Variants in MAU2 observed in about 807,000 individuals in gnomAD.
MAU2 encodes MAU2 sister chromatid cohesion factor.
In MAU2, 9 loss-of-function variants were observed where a neutral mutation model predicts 89.1. The observed-to-expected ratio is 0.10, with a 90% CI of 0.06 to 0.18. The LOEUF is 0.18. MAU2 is among the 10% of genes least tolerant of loss of function. The pLI is 1.00. For missense variants in MAU2, 425 were observed against 803.5 expected (o/e 0.53, Z 5.69); for synonymous variants, 357 against 343.4 (o/e 1.04, Z -0.44).
chr19:19,334,376 GC>G (rs1249578899), intron 1 of MAU2: 2 of 985,714 alleles, frequency 2.0e-6, no homozygotes, highest in Non-Finnish European at 2.4e-6. Context: ...CTCTCCCACA[GC>G]TGTCCTCCTG....
chr19:19,355,908 A>G lies in MAU2; in HGVS notation c.*126A>G, dbSNP rs769850089. ...GTCTCTAGAGCTTCCAAGTCCTGGG[A>G]ATGTGCGGGGCCAGTCCCTGCCCTC... is the stretch of plus-strand genomic sequence containing the variant. On this transcript the variant is annotated 3_prime_UTR_variant, in exon 19 of 19. Transcript: ENST00000262815. The G allele has an allele frequency of 1.1e-6, 1 of 945,440 alleles. No individual in the cohort carries two copies. The highest frequency in any genetic ancestry group is 1.7e-6 in the Non-Finnish European group (1 of 596,484). 58.6% of individuals were successfully genotyped at this position (945,440 alleles called of 1,614,324 possible). A position where few individuals can be genotyped will look rare whatever the true frequency, so the allele number is the denominator to read the frequency against.
At chr19:19,321,331 C>T (rs1431520691) in intron 1 of MAU2, among the ~76,000 whole-genome samples, 196 bp downstream of exon 1, 5 of 152,160 alleles carry the variant, frequency 3.3e-5, no homozygotes, top group Admixed American at 2.0e-4. Flanking sequence ...AAAGCCTCGC[C>T]CCCCACGCCT....
intron 16 of MAU2, among the ~76,000 whole-genome samples, 177 bp downstream of exon 16, chr19:19,349,613 G>C (rs920724043): frequency 6.6e-6 from 1 of 152,226 alleles, no homozygotes; most frequent in Non-Finnish European, 1.5e-5. Context: ...GAGGAGCTGG[G>C]CACCCACAGA....
chr19:19,344,371 T>C (rs755631576), intron 10 of MAU2: 3 of 233,630 alleles, frequency 1.3e-5, no homozygotes, highest in Non-Finnish European at 1.7e-5. Context: ...GAGATCGCAC[T>C]ACTGCACTCC....
Position 19,330,565 on chromosome 19 carries a change from AC to A in MAU2, c.277-5149del, listed in dbSNP as rs1317918312. Among the ~76,000 whole-genome samples, 3 of 151,928 alleles carry A rather than the reference AC, an allele frequency of 2.0e-5. No individual in the cohort carries two copies. In the East Asian group the frequency reaches 5.8e-4, roughly 30 times the overall value. ...AGACCTGCCTGACCAACATAGAGAA[AC>A]CCCGTCTCTACTGAAAATACAAAAT... On this transcript the variant is annotated intron_variant, in intron 1 of 18. Coordinates refer to ENST00000262815, the MANE Select transcript of MAU2 (RefSeq NM_015329.4).
intron 13 of MAU2, chr19:19,348,466 G>A: frequency 3.5e-6 from 1 of 286,930 alleles, no homozygotes; most frequent in South Asian, 3.6e-5. Context: ...GCAGCTAGAG[G>A]GCAGCTAAAT....
rs541977938 is a variant in MAU2 at position 19,322,001 on chromosome 19, T to TC, written c.276+866_276+867insC. The TC allele has an allele frequency of 2.5e-3, 368 of 147,294 alleles. 2 individuals are homozygous for TC. The highest frequency in any genetic ancestry group is 6.0e-3 in the South Asian group (28 of 4,650). 9.1% of individuals were successfully genotyped at this position (147,294 alleles called of 1,614,324 possible). On this transcript the variant is annotated intron_variant, in intron 1 of 18. Coordinates refer to ENST00000262815, the MANE Select transcript of MAU2 (RefSeq NM_015329.4). The stretch of plus-strand genomic sequence containing the variant: ...ATTCTGCCCTTTAGTAAACTTTCTT[T>TC]TTTTTTTTTTTTTTGAGACGGAGTC...
chr19:19,335,326 C>T (rs983805866), intron 1 of MAU2, among the ~76,000 whole-genome samples: 6 of 152,212 alleles, frequency 3.9e-5, no homozygotes, highest in Non-Finnish European at 8.8e-5. Flanking sequence ...AACGTCCTTC[C>T]TCTCTGCCTG....
chr19:19,340,776 G>A, intron 5 of MAU2, 70 bp from the exon 6 acceptor site: 1 of 1,564,632 alleles, frequency 6.4e-7, no homozygotes, highest in Non-Finnish European at 8.7e-7. Flanking sequence ...TGTGAGCCTT[G>A]GGGTAATCAC....
chr19:19,354,343 C>G lies in MAU2; in HGVS notation c.1549-12C>G, dbSNP rs767216947. On this transcript the variant is annotated splice_polypyrimidine_tract_variant and intron_variant, in intron 16 of 18. Coordinates refer to ENST00000262815, the MANE Select transcript of MAU2 (RefSeq NM_015329.4). ...AGGCTCCTCACTCCCCCTTGCTGCTCTTGGTTGACAGGAGAGTAACAACAT... is the reference window on the plus strand; with the variant it reads ...AGGCTCCTCACTCCCCCTTGCTGCTGTTGGTTGACAGGAGAGTAACAACAT... 1.9e-6 allele frequency: 3 copies of G among 1,611,848 alleles called. No individual in the cohort carries two copies. Among genetic ancestry groups the G allele is most frequent in the Non-Finnish European group, 2.5e-6 (3 of 1,178,046 alleles).
At chr19:19,329,834 T>C (rs1375050396) in intron 1 of MAU2, among the ~76,000 whole-genome samples, 1 of 151,696 alleles carries the variant, frequency 6.6e-6, no homozygotes. Flanking sequence ...CACATGCCTA[T>C]AGTCCCAGCT....
intron 17 of MAU2, 164 bp from the exon 18 acceptor site, chr19:19,355,100 G>A: frequency 1.1e-6 from 1 of 890,046 alleles, no homozygotes; most frequent in African/African-American, 1.7e-5. Flanking sequence ...CTGGCGCATG[G>A]GCTTTGTGAT....
intron 1 of MAU2, among the ~76,000 whole-genome samples, chr19:19,322,057 G>A (rs958767726): frequency 1.3e-4 from 19 of 151,314 alleles, no homozygotes; most frequent in African/African-American, 4.4e-4. Flanking sequence ...GAGTGCAGTG[G>A]TGCCATCTTG....
At position 19,341,531 on chromosome 19, in the gene MAU2, T is replaced by A. The variant is rs986230642; in HGVS notation, c.735+124T>A. The stretch of plus-strand genomic sequence containing the variant: ...GCCTTACCTTGCCACACAACAGGGC[T>A]GTCATACCAGTCCCGGACACACACA... On this transcript the variant is annotated intron_variant, in intron 7 of 18. Transcript: ENST00000262815. 4.3e-6 allele frequency: 5 copies of A among 1,169,526 alleles called. No homozygotes were observed. In the African/African-American group the frequency reaches 7.6e-5, roughly 18 times the overall value. The allele number at this position is 1,169,526 out of a possible 1,614,324, so 72.4% of individuals were successfully genotyped here.
At chr19:19,354,523 C>A in intron 17 of MAU2, 78 bp downstream of exon 17, 1 of 1,332,532 alleles carries the variant, frequency 7.5e-7, no homozygotes. Flanking sequence ...GCATGTCCTG[C>A]TCAGCCTTAG....
In MAU2 at chr19:19,357,650, A is replaced by G. The variant is rs895101520; in HGVS notation, c.*1868A>G. The G allele has an allele frequency of 6.6e-6, 1 of 152,308 alleles. No individual in the cohort carries two copies. The highest frequency in any genetic ancestry group is 1.5e-5 in the Non-Finnish European group (1 of 68,002). 9.4% of individuals were successfully genotyped at this position (152,308 alleles called of 1,614,324 possible). Reference sequence around the variant, plus strand: ...GTTGAAAACAGAACCTCAGAACTTAACATCTGTCCTGATGTTAAAGTGCTT... The same window carrying G: ...GTTGAAAACAGAACCTCAGAACTTAGCATCTGTCCTGATGTTAAAGTGCTT... On this transcript the variant is annotated 3_prime_UTR_variant, in exon 19 of 19. Transcript: ENST00000262815.
In MAU2 at chr19:19,326,694, A is replaced by ATATATACGTATATATATATATATACG. The variant is rs1384408947; in HGVS notation, c.276+5565_276+5566insCGTATATATATATATATACGTATATA. On this transcript the variant is annotated intron_variant, in intron 1 of 18. Coordinates refer to ENST00000262815, the MANE Select transcript of MAU2 (RefSeq NM_015329.4). ...GAGCGAGACTGTCTCAAAAAAAAAT[A>ATATATACGTATATATATATATATACG]TATATATGTATATATATATATATAT... is the stretch of plus-strand genomic sequence containing the variant. 8.4e-5 allele frequency among the ~76,000 whole-genome samples: 9 copies of ATATATACGTATATATATATATATACG among 106,716 alleles called. 2 individuals are homozygous for ATATATACGTATATATATATATATACG. The East Asian group carries it at 1.1e-3, about 13-fold the overall frequency. The allele number at this position is 106,716 out of a possible 152,430, so 70.0% of individuals were successfully genotyped here.
At position 19,349,117 on chromosome 19, in the gene MAU2, A is replaced by G. The variant is rs566721688; in HGVS notation, c.1359-38A>G. The G allele has an allele frequency of 2.4e-4, 390 of 1,612,070 alleles. 5 individuals carry two copies. The South Asian group carries it at 4.1e-3, about 17-fold the overall frequency. On this transcript the variant is annotated intron_variant, in intron 14 of 18. Transcript: ENST00000262815. ...TGCCGTTTTGTAAACCTGCTTCTCAAAATCACCACCCCATGTGATACTGCA... is the reference window on the plus strand; with the variant it reads ...TGCCGTTTTGTAAACCTGCTTCTCAGAATCACCACCCCATGTGATACTGCA...
At chr19:19,326,088 C>T (rs943218074) in intron 1 of MAU2, among the ~76,000 whole-genome samples, 6 of 151,120 alleles carry the variant, frequency 4.0e-5, no homozygotes, top group African/African-American at 1.2e-4. Context: ...GTAACCTCCG[C>T]CCTCCGGGTT....
Sources: allele counts gnomAD v4.1 joint callset (sites outside exome capture counted in the v4.1 genomes callset), GRCh38; gene constraint gnomAD v4.1.1; transcripts MANE v1.5; gene names NCBI Gene and HGNC (gene_info 2026-07-23, HGNC 2026-07-21).